The following PDE11A variants were observed in gnomAD, a reference collection of about 807,000 sequenced individuals.
PDE11A encodes phosphodiesterase 11A.
A neutral mutation model predicts 100.5 loss-of-function variants in PDE11A; 100 were observed. The observed-to-expected ratio is 1.00, with a 90% CI of 0.85 to 1.18. The LOEUF (loss-of-function observed/expected upper bound fraction) is 1.18, where lower values mean the gene tolerates loss of function less well. Ranked by LOEUF, PDE11A falls within the 50% of genes most tolerant of loss-of-function variation. The pLI, the probability that PDE11A is intolerant of heterozygous loss-of-function variation, is 0.00. For missense variants in PDE11A, 1,141 were observed against 1,152.6 expected, an observed-to-expected ratio of 0.99 and a Z score of 0.15; for synonymous variants, 381 against 420.8, an observed-to-expected ratio of 0.91 and a Z score of 1.16.
intron 3 of PDE11A, among the ~76,000 whole-genome samples, chr2:177,902,252 G>A (rs1359164321): frequency 2.6e-5 from 4 of 151,214 alleles, no homozygotes; most frequent in Admixed American, 6.6e-5. Context: ...CCCTTAAGAA[G>A]GTACTTTGTA....
At chr2:177,745,165 T>C (rs538197534) in intron 10 of PDE11A, among the ~76,000 whole-genome samples, 23 of 152,268 alleles carry the variant, frequency 1.5e-4, no homozygotes, top group South Asian at 4.2e-4. Context: ...TCCCAAGCTA[T>C]AGAAGACCAT....
At chr2:177,660,455 G>A (rs562923922) in intron 19 of PDE11A, among the ~76,000 whole-genome samples, 110 of 152,008 alleles carry the variant, frequency 7.2e-4, no homozygotes, top group African/African-American at 2.5e-3. Context: ...CCTGCACATC[G>A]TTTTTTTCTG....
chr2:177,845,533 C>T (rs1381040437), intron 5 of PDE11A, among the ~76,000 whole-genome samples: 2 of 151,644 alleles, frequency 1.3e-5, no homozygotes. Flanking sequence ...CGGAGACGCT[C>T]CTCACTTTCC....
intron 1 of PDE11A, among the ~76,000 whole-genome samples, chr2:178,032,936 A>G (rs1483464515): frequency 6.7e-6 from 1 of 150,224 alleles, no homozygotes; most frequent in Non-Finnish European, 1.5e-5. Flanking sequence ...TGAAGATGAG[A>G]AAAAAACAGT....
chr2:177,877,004 T>C (rs1259315639), intron 4 of PDE11A, among the ~76,000 whole-genome samples: 2 of 147,500 alleles, frequency 1.4e-5, no homozygotes, highest in Admixed American at 6.7e-5. Flanking sequence ...ATCCTCTTTA[T>C]AGGGGAGACG....
Position 177,816,868 on chromosome 2 carries a change from TTGA to T in PDE11A, c.1695_1697del (p.Asp565_Gln566delinsGlu). The T allele has an allele frequency of 6.2e-7, 1 of 1,611,044 alleles. No homozygotes were observed. Among genetic ancestry groups the T allele is most frequent in the South Asian group, 1.1e-5 (1 of 91,010 alleles). Reference sequence around the variant, plus strand: ...ACTGCTTGGCCCAGGACTTCTTCACTTGATCATACATAATTGTGTTGTTGATGC... The same window carrying T: ...ACTGCTTGGCCCAGGACTTCTTCACTTCATACATAATTGTGTTGTTGATGC... On this transcript the variant is annotated inframe_deletion, in exon 9 of 20. Coordinates refer to ENST00000286063, the MANE Select transcript of PDE11A (RefSeq NM_016953.4).
intron 19 of PDE11A, among the ~76,000 whole-genome samples, chr2:177,637,664 C>T (rs193252306): frequency 6.6e-4 from 99 of 150,364 alleles, no homozygotes; most frequent in African/African-American, 2.4e-3. Context: ...AATCTTGGTT[C>T]TGTACATTTA....
At chr2:177,888,896 ACCAT>A (rs1178539959) in intron 4 of PDE11A, 6 of 152,366 alleles carry the variant, frequency 3.9e-5, no homozygotes, top group African/African-American at 1.4e-4. Flanking sequence ...GGGAACCAGC[ACCAT>A]TGTTATGGTT....
intron 6 of PDE11A, among the ~76,000 whole-genome samples, chr2:177,829,434 G>C (rs1166756755): frequency 6.6e-6 from 1 of 151,154 alleles, no homozygotes; most frequent in Non-Finnish European, 1.5e-5. Context: ...TCTTTATTAG[G>C]GTATGATAGG....
intron 2 of PDE11A, chr2:177,922,601 G>A: frequency 1.3e-6 from 1 of 765,718 alleles, no homozygotes; most frequent in Non-Finnish European, 1.6e-6. Context: ...TCCCATACCT[G>A]ACATCACTGA....
At position 177,911,102 on chromosome 2, in the gene PDE11A, C is replaced by T. The variant is rs763139455; in HGVS notation, c.1072-5915G>A. On this transcript the variant is annotated intron_variant, in intron 2 of 19. Coordinates refer to ENST00000286063, the MANE Select transcript of PDE11A (RefSeq NM_016953.4). ...AACAGGACTCTTAAAGTCACTTCTG[C>T]CCTCAGGCAGTAACTATATGATAAA... 1.2e-4 allele frequency among the ~76,000 whole-genome samples: 18 copies of T among 152,320 alleles called. No individual in the cohort carries two copies. In the Middle Eastern group the frequency reaches 0.01, roughly 86 times the overall value.
intron 1 of PDE11A, among the ~76,000 whole-genome samples, chr2:178,062,237 A>T (rs527866337): frequency 6.6e-6 from 1 of 152,082 alleles, no homozygotes; most frequent in African/African-American, 2.4e-5. Context: ...TTATGATAAA[A>T]AGGAGGGCTA....
intron 14 of PDE11A, among the ~76,000 whole-genome samples, chr2:177,698,753 G>A (rs989347253): frequency 2.0e-5 from 3 of 152,146 alleles, no homozygotes; most frequent in African/African-American, 7.2e-5. Flanking sequence ...ATTTTCAAAT[G>A]AGCTCTTCAG....
intron 12 of PDE11A, among the ~76,000 whole-genome samples, chr2:177,720,347 A>G (rs1378039280): frequency 6.6e-6 from 1 of 152,138 alleles, no homozygotes; most frequent in Admixed American, 6.6e-5. Flanking sequence ...TTCTTTTTAA[A>G]AAAGGATCTT....
chr2:177,765,088 C>T (rs1230550946), intron 10 of PDE11A, among the ~76,000 whole-genome samples: 1 of 152,214 alleles, frequency 6.6e-6, no homozygotes, highest in African/African-American at 2.4e-5. Context: ...ACACTCTAAT[C>T]CCATTCTCCC....
intron 2 of PDE11A, among the ~76,000 whole-genome samples, chr2:178,013,623 C>A (rs1010527196): frequency 6.6e-6 from 1 of 152,114 alleles, no homozygotes; most frequent in Non-Finnish European, 1.5e-5. Context: ...TTGCTTTTAG[C>A]GCATATTTTA....
At chr2:177,829,970 G>A (rs1220293822) in intron 6 of PDE11A, among the ~76,000 whole-genome samples, 1 of 152,146 alleles carries the variant, frequency 6.6e-6, no homozygotes, top group Non-Finnish European at 1.5e-5. Flanking sequence ...CATGAGGTAA[G>A]CTTCTGTCAC....
chr2:177,905,016 G>A (rs1485469431), intron 3 of PDE11A, 82 bp downstream of exon 3: 5 of 796,552 alleles, frequency 6.3e-6, no homozygotes, highest in South Asian at 5.4e-5. Context: ...ATCATTCATT[G>A]GCTGTTTTTA....
intron 15 of PDE11A, among the ~76,000 whole-genome samples, chr2:177,696,098 A>C (rs2081108076): frequency 6.6e-6 from 1 of 152,162 alleles, no homozygotes; most frequent in Non-Finnish European, 1.5e-5. Context: ...GAAGGTAAGA[A>C]TGAAAAAAGG....
Sources: allele counts gnomAD v4.1 joint callset (sites outside exome capture counted in the v4.1 genomes callset), GRCh38; gene constraint gnomAD v4.1.1; transcripts MANE v1.5; gene names NCBI Gene and HGNC (gene_info 2026-07-23, HGNC 2026-07-21).